OPHN1: variants seen among roughly 807,000 people sequenced by gnomAD.
The protein encoded by OPHN1 is oligophrenin-1.
OPHN1 carries 11 observed loss-of-function variants against 60.7 expected under a neutral mutation model. The ratio of observed to expected loss-of-function variants is 0.18; its 90% CI spans 0.11 to 0.30. The LOEUF is 0.30. Among genes scored for constraint, OPHN1 ranks in the 10% least tolerant of loss-of-function variants. The pLI is 1.00. For synonymous variants in OPHN1, 226 were observed against 222.6 expected, an observed-to-expected ratio of 1.02 and a Z score of -0.14; for missense variants, 449 against 611.0, an observed-to-expected ratio of 0.73 and a Z score of 2.80.
intron 19 of OPHN1, among the ~76,000 whole-genome samples, chrX:68,074,439 T>C (rs998688773): frequency 9.0e-6 from 1 of 111,655 alleles, no homozygotes; most frequent in Non-Finnish European, 1.9e-5. Flanking sequence ...TTAGTAATAA[T>C]AGTCTAAAGA....
chrX:68,296,200 T>A (rs946909698), intron 3 of OPHN1, among the ~76,000 whole-genome samples: 2 of 111,860 alleles, frequency 1.8e-5, no homozygotes, highest in Non-Finnish European at 3.8e-5. Flanking sequence ...ACAATGACCA[T>A]GACAGGCCAA....
At chrX:68,052,896 T>G (rs998599873) in intron 22 of OPHN1, among the ~76,000 whole-genome samples, 6 of 112,862 alleles carry the variant, frequency 5.3e-5, no homozygotes, top group Admixed American at 3.7e-4. Context: ...GTTGGCTTTT[T>G]GTAAATATAG....
At chrX:68,329,875 ATG>A (rs1304652394) in intron 2 of OPHN1, among the ~76,000 whole-genome samples, 3 of 111,883 alleles carry the variant, frequency 2.7e-5, no homozygotes, top group Non-Finnish European at 5.6e-5. Flanking sequence ...TGCCTGAACT[ATG>A]TAAAATAAAA....
chrX:68,051,727 TA>T (rs954955966), intron 23 of OPHN1, among the ~76,000 whole-genome samples: 2 of 111,022 alleles, frequency 1.8e-5, no homozygotes, highest in Non-Finnish European at 3.8e-5. Flanking sequence ...ATATTGGGTG[TA>T]AAGTCTTTGA....
intron 19 of OPHN1, among the ~76,000 whole-genome samples, chrX:68,082,609 G>A (rs1016766197): frequency 8.9e-6 from 1 of 112,395 alleles, no homozygotes; most frequent in Non-Finnish European, 1.9e-5. Flanking sequence ...TCTCAAGAGT[G>A]GGCTTAAAAT....
At chrX:68,313,880 T>G (rs2147648714) in intron 2 of OPHN1, among the ~76,000 whole-genome samples, 1 of 111,828 alleles carries the variant, frequency 8.9e-6, no homozygotes, top group East Asian at 2.8e-4. Flanking sequence ...TGATAAATGC[T>G]TGACATGATT....
intron 2 of OPHN1, among the ~76,000 whole-genome samples, chrX:68,367,353 C>T (rs191439483): frequency 1.3e-3 from 111 of 84,838 alleles, no homozygotes; most frequent in African/African-American, 5.4e-3. Flanking sequence ...GACTCTGTCT[C>T]GGGAAAAAAA....
chrX:68,270,222 A>G (rs2077959810), intron 5 of OPHN1, among the ~76,000 whole-genome samples: 1 of 111,316 alleles, frequency 9.0e-6, no homozygotes, highest in Admixed American at 9.5e-5. Flanking sequence ...CATTTCACCC[A>G]GCCATCCCAT....
intron 19 of OPHN1, among the ~76,000 whole-genome samples, chrX:68,078,558 C>T (rs960072415): frequency 2.7e-5 from 3 of 111,597 alleles, no homozygotes; most frequent in Admixed American, 1.9e-4. Flanking sequence ...TGGAGATAAA[C>T]GCATCATATA....
intron 2 of OPHN1, among the ~76,000 whole-genome samples, chrX:68,357,600 G>A (rs1471127851): frequency 1.8e-5 from 2 of 111,130 alleles, no homozygotes; most frequent in African/African-American, 6.5e-5. Context: ...TTTTATGGCT[G>A]CATAGTATTC....
chrX:68,324,632 AAAAAT>A (rs1489718596), intron 2 of OPHN1, among the ~76,000 whole-genome samples: 1 of 108,492 alleles, frequency 9.2e-6, no homozygotes, highest in Non-Finnish European at 1.9e-5. Context: ...AAAAAAATCT[AAAAAT>A]AAAAATAAAT....
At chrX:68,200,358 A>G (rs999450354) in intron 11 of OPHN1, among the ~76,000 whole-genome samples, 2 of 112,082 alleles carry the variant, frequency 1.8e-5, no homozygotes, top group African/African-American at 6.5e-5. Flanking sequence ...AGTACTTATC[A>G]TGAGCCATGC....
intron 18 of OPHN1, among the ~76,000 whole-genome samples, chrX:68,108,743 G>A (rs2077092158): frequency 9.0e-6 from 1 of 111,660 alleles, no homozygotes; most frequent in Non-Finnish European, 1.9e-5. Context: ...CTTTCTCTCT[G>A]TAATTATGCT....
chrX:68,292,282 TTA>T (rs765849012), intron 3 of OPHN1, among the ~76,000 whole-genome samples: 1 of 111,755 alleles, frequency 8.9e-6, no homozygotes, highest in Admixed American at 9.5e-5. Flanking sequence ...GTCAGAATTA[TTA>T]TGTTATGTCT....
At chrX:68,301,724 G>A (rs975775292) in intron 2 of OPHN1, among the ~76,000 whole-genome samples, 2 of 111,440 alleles carry the variant, frequency 1.8e-5, no homozygotes, top group Non-Finnish European at 3.8e-5. Flanking sequence ...CCCCATCCCC[G>A]TCCATTCTGC....
intron 15 of OPHN1, among the ~76,000 whole-genome samples, chrX:68,170,089 A>C (rs2077382280): frequency 9.0e-6 from 1 of 110,730 alleles, no homozygotes. Context: ...TTACAAGAAA[A>C]AAACAAACAA....
intron 15 of OPHN1, among the ~76,000 whole-genome samples, chrX:68,123,622 T>C (rs2077158453): frequency 8.9e-6 from 1 of 112,115 alleles, no homozygotes; most frequent in African/African-American, 3.2e-5. Flanking sequence ...AGTTTCCTTT[T>C]TTCCTTGTTT....
At position 68,266,071 on chromosome X, in the gene OPHN1, C is replaced by T. The variant is rs761588791; in HGVS notation, c.384+8667G>A. Among the ~76,000 whole-genome samples the T allele has an allele frequency of 4.9e-3, 548 of 111,258 alleles. 3 individuals carry two copies. The highest frequency in any genetic ancestry group is 7.7e-3 in the Non-Finnish European group (408 of 52,979). On this transcript the variant is annotated intron_variant, in intron 5 of 24. Coordinates refer to ENST00000355520, the MANE Select transcript of OPHN1 (RefSeq NM_002547.3). ...GTCTGATTGGTGTACCTGAAAGTGA[C>T]GGGGAGAATGGAACCAAGTTGGAAA...
chrX:68,101,406 G>A (rs2077058356), intron 18 of OPHN1, among the ~76,000 whole-genome samples: 1 of 112,198 alleles, frequency 8.9e-6, no homozygotes, highest in African/African-American at 3.2e-5. Flanking sequence ...ATTTTCAGAT[G>A]TGTACAGAAT....
Sources: allele counts gnomAD v4.1 joint callset (sites outside exome capture counted in the v4.1 genomes callset), GRCh38; gene constraint gnomAD v4.1.1; transcripts MANE v1.5; gene names NCBI Gene and HGNC (gene_info 2026-07-23, HGNC 2026-07-21).